Variants in ZNF385B observed in about 807,000 individuals in gnomAD.
ZNF385B encodes zinc finger protein 533.
A neutral mutation model predicts 39.2 loss-of-function variants in ZNF385B; 23 were observed. That is an observed-to-expected ratio of 0.59 (90% CI 0.42 to 0.83). ZNF385B has a LOEUF of 0.83. ZNF385B is among the 40% of genes least tolerant of loss of function. ZNF385B has a pLI of 0.00. For synonymous variants in ZNF385B, 205 were observed against 222.6 expected (o/e 0.92, Z 0.70); for missense variants, 552 against 598.9 (o/e 0.92, Z 0.82).
chr2:179,780,032 C>T (rs928191068), intron 1 of ZNF385B, among the ~76,000 whole-genome samples: 8 of 151,934 alleles, frequency 5.3e-5, no homozygotes, highest in South Asian at 2.1e-4. Flanking sequence ...TAAGTGGTTG[C>T]GGCAGCTGGG....
Position 179,553,763 on chromosome 2 carries a change from T to C in ZNF385B, c.299-8794A>G, listed in dbSNP as rs1013434481. Among the ~76,000 whole-genome samples the C allele has an allele frequency of 1.3e-5, 2 of 149,502 alleles. 1 individual carries two copies. The highest frequency in any genetic ancestry group is 5.0e-5 in the African/African-American group (2 of 39,746). On this transcript the variant is annotated intron_variant, in intron 3 of 9. Transcript: ENST00000410066. ...TCAACAAAGCTTAAAGCGGTTCTTTTCTGCAACGCATCTTAGAGTTTTTAA... is the reference window on the plus strand; with the variant it reads ...TCAACAAAGCTTAAAGCGGTTCTTTCCTGCAACGCATCTTAGAGTTTTTAA...
intron 1 of ZNF385B, among the ~76,000 whole-genome samples, chr2:179,791,381 C>A (rs943249980): frequency 6.6e-6 from 1 of 152,200 alleles, no homozygotes; most frequent in South Asian, 2.1e-4. Flanking sequence ...GAGAGCTATA[C>A]TGACATCCTC....
chr2:179,858,080 G>A (rs906741685), intron 1 of ZNF385B, among the ~76,000 whole-genome samples: 10 of 152,084 alleles, frequency 6.6e-5, no homozygotes, highest in African/African-American at 2.2e-4. Context: ...AATGGAGATG[G>A]GAAACGAGTC....
intron 3 of ZNF385B, among the ~76,000 whole-genome samples, chr2:179,705,737 A>G (rs895593589): frequency 6.6e-6 from 1 of 152,256 alleles, no homozygotes; most frequent in Admixed American, 6.5e-5. Flanking sequence ...GAGAGCAAAT[A>G]TCTTAGGCTT....
chr2:179,621,440 A>G (rs1690204577), intron 3 of ZNF385B, among the ~76,000 whole-genome samples: 1 of 152,224 alleles, frequency 6.6e-6, no homozygotes, highest in African/African-American at 2.4e-5. Context: ...AATAAATGTT[A>G]ACAACAAAGT....
chr2:179,664,172 T>C (rs1443583774), intron 3 of ZNF385B, among the ~76,000 whole-genome samples: 4 of 151,054 alleles, frequency 2.6e-5, no homozygotes, highest in African/African-American at 9.7e-5. Flanking sequence ...AGAACTAAAG[T>C]ATCTAAGAGT....
rs191996182 is a variant in ZNF385B, at chr2:179,752,952, T to C, written c.298+16551A>G. 3.7e-3 allele frequency among the ~76,000 whole-genome samples: 567 copies of C among 152,348 alleles called. 4 individuals are homozygous for C. Among genetic ancestry groups the C allele is most frequent in the African/African-American group, 0.013 (545 of 41,580 alleles). ...CTTTAGTTTAATTAGATCCCATTTG[T>C]CAATTCTGGCTTTTGTTGCCATTGC... On this transcript the variant is annotated intron_variant, in intron 3 of 9. Coordinates refer to ENST00000410066, the MANE Select transcript of ZNF385B (RefSeq NM_152520.6).
At chr2:179,659,491 G>C (rs1254183739) in intron 3 of ZNF385B, among the ~76,000 whole-genome samples, 1 of 151,818 alleles carries the variant, frequency 6.6e-6, no homozygotes, top group East Asian at 1.9e-4. Flanking sequence ...TTTCTATTAA[G>C]ACTAATGCAT....
At chr2:179,642,863 A>G (rs1288998016) in intron 3 of ZNF385B, among the ~76,000 whole-genome samples, 2 of 152,186 alleles carry the variant, frequency 1.3e-5, no homozygotes, top group African/African-American at 4.8e-5. Flanking sequence ...CAGTAAACCT[A>G]TTTTGAATAT....
At chr2:179,518,395 G>C in intron 5 of ZNF385B, 133 bp downstream of exon 5, 1 of 645,492 alleles carries the variant, frequency 1.5e-6, no homozygotes, top group South Asian at 2.3e-5. Context: ...TGGAAATCTG[G>C]CATCCTGAAA....
chr2:179,853,790 T>C (rs1232561711), intron 1 of ZNF385B, among the ~76,000 whole-genome samples: 1 of 152,200 alleles, frequency 6.6e-6, no homozygotes, highest in Admixed American at 6.5e-5. Flanking sequence ...CATGGAAGAT[T>C]CTTTCATTAT....
chr2:179,489,644 G>A (rs1225085825), intron 5 of ZNF385B, among the ~76,000 whole-genome samples: 1 of 152,134 alleles, frequency 6.6e-6, no homozygotes, highest in African/African-American at 2.4e-5. Context: ...AATGCTTTCT[G>A]CATATATTTC....
At chr2:179,468,782 G>T (rs76918214) in intron 6 of ZNF385B, among the ~76,000 whole-genome samples, 9,897 of 152,178 alleles carry the variant, frequency 0.065, 428 homozygotes, top group Admixed American at 0.12. Flanking sequence ...TCTTCATCTA[G>T]TCAGGGAAAC....
chr2:179,530,313 G>A (rs1053986425), intron 4 of ZNF385B, among the ~76,000 whole-genome samples: 4 of 151,878 alleles, frequency 2.6e-5, no homozygotes, highest in African/African-American at 9.7e-5. Flanking sequence ...AAAAGTATAC[G>A]AGTAACTGAA....
intron 3 of ZNF385B, among the ~76,000 whole-genome samples, chr2:179,739,836 G>A (rs1013919833): frequency 2.6e-5 from 4 of 152,064 alleles, no homozygotes; most frequent in African/African-American, 9.7e-5. Flanking sequence ...GCATGATTCA[G>A]AGCCCATTAC....
intron 1 of ZNF385B, among the ~76,000 whole-genome samples, chr2:179,823,021 C>T (rs1356475479): frequency 6.6e-6 from 1 of 151,990 alleles, no homozygotes. Context: ...CTCTTCTTTT[C>T]GGAGGGGAGA....
rs368439789 is a variant in ZNF385B at position 179,710,721 on chromosome 2, C to T, written c.298+58782G>A. Among the ~76,000 whole-genome samples, 7 of 152,238 alleles carry T rather than the reference C, an allele frequency of 4.6e-5. No homozygotes were observed. In the East Asian group the frequency reaches 7.7e-4, roughly 17 times the overall value. ...TTCTTGTACCCACTAAACATCTCCC[C>T]GTCCACCCATAGACGGTGTGGTGTG... On this transcript the variant is annotated intron_variant, in intron 3 of 9. Transcript: ENST00000410066.
intron 5 of ZNF385B, among the ~76,000 whole-genome samples, chr2:179,514,881 C>T (rs140207170): frequency 2.3e-3 from 349 of 151,120 alleles, no homozygotes; most frequent in African/African-American, 6.0e-3. Flanking sequence ...TGGGTTCAAG[C>T]GATTCTCCTG....
chr2:179,801,568 T>C (rs1487872502), intron 1 of ZNF385B, among the ~76,000 whole-genome samples: 1 of 152,164 alleles, frequency 6.6e-6, no homozygotes, highest in Non-Finnish European at 1.5e-5. Flanking sequence ...GTCATGTCTA[T>C]CTTCAACCCA....
Sources: gnomAD v4.1 joint callset for allele counts (sites outside exome capture counted in the v4.1 genomes callset) on GRCh38, gnomAD v4.1.1 for gene constraint, MANE v1.5 for transcripts, NCBI Gene and HGNC (gene_info 2026-07-23, HGNC 2026-07-21) for gene names.